Variants in VPS16 observed in about 807,000 individuals in gnomAD.
The protein encoded by VPS16 is VPS16 core subunit of CORVET and HOPS complexes.
In VPS16, 82 loss-of-function variants were observed where a neutral mutation model predicts 116.0. The ratio of observed to expected loss-of-function variants is 0.71; its 90% CI spans 0.59 to 0.85. VPS16 has a LOEUF of 0.85. VPS16 is among the 40% of genes least tolerant of loss of function. The pLI is 0.00. For missense variants in VPS16, 928 were observed against 1,090.6 expected, an observed-to-expected ratio of 0.85 and a Z score of 2.10; for synonymous variants, 406 against 420.7, an observed-to-expected ratio of 0.96 and a Z score of 0.43.
At chr20:2,862,744 G>T (rs752702203) in intron 12 of VPS16, 34 bp downstream of exon 12, 5 of 1,607,230 alleles carry the variant, frequency 3.1e-6, no homozygotes, top group African/African-American at 2.7e-5. Flanking sequence ...GGAGGGTGGG[G>T]CTGGGAGGGG....
chr20:2,862,384 A>T, intron 11 of VPS16, 195 bp from the exon 12 acceptor site: 1 of 1,231,902 alleles, frequency 8.1e-7, no homozygotes, highest in Non-Finnish European at 1.1e-6. Context: ...AGGCCCCCCT[A>T]AAGGCAGCTG....
rs545825550 is a variant in VPS16 at position 2,840,960 on chromosome 20, G to A, written c.53+133G>A. The A allele has an allele frequency of 1.2e-4, 104 of 839,524 alleles. No individual in the cohort carries two copies. The African/African-American group carries it at 1.7e-3, about 13-fold the overall frequency. The allele number at this position is 839,524 out of a possible 1,614,324, so 52.0% of individuals were successfully genotyped here. A position where few individuals can be genotyped will look rare whatever the true frequency, so the allele number is the denominator to read the frequency against. On this transcript the variant is annotated intron_variant, in intron 1 of 23. Coordinates refer to ENST00000380445, the MANE Select transcript of VPS16 (RefSeq NM_022575.4). ...CCGCGCCGGCTCTCCCCGAGCGTCT[G>A]CCACTTAGCGCACAGCCGCCTTTGG...
intron 1 of VPS16, among the ~76,000 whole-genome samples, chr20:2,858,402 CCTTA>C (rs1459136195): frequency 6.6e-6 from 1 of 152,158 alleles, no homozygotes; most frequent in Non-Finnish European, 1.5e-5. Context: ...CCACCTCACT[CCTTA>C]CTTTGGATTT....
At chr20:2,856,257 A>G (rs1255236892) in intron 1 of VPS16, among the ~76,000 whole-genome samples, 1 of 152,194 alleles carries the variant, frequency 6.6e-6, no homozygotes. Flanking sequence ...GAACACATAC[A>G]ACATTTATCC....
At position 2,862,138 on chromosome 20, in the gene VPS16, C is replaced by T. The variant is rs1294569681; in HGVS notation, c.1071+8C>T. 1.2e-6 allele frequency: 2 copies of T among 1,612,212 alleles called. No individual in the cohort carries two copies. The highest frequency in any genetic ancestry group is 2.2e-5 in the South Asian group (2 of 90,512). On this transcript the variant is annotated splice_region_variant and intron_variant, in intron 11 of 23. Transcript: ENST00000380445. Reference sequence around the variant, plus strand: ...GCTCAGAAGGAGTATGAGGTAAAGCCCTGGGCTTCTCTCCCAGTCCCAGAA... The same window carrying T: ...GCTCAGAAGGAGTATGAGGTAAAGCTCTGGGCTTCTCTCCCAGTCCCAGAA...
At position 2,840,835 on chromosome 20, in the gene VPS16, G is replaced by GCGGCCC; in HGVS notation, c.53+9_53+10insGGCCCC. On this transcript the variant is annotated intron_variant, in intron 1 of 23. Coordinates refer to ENST00000380445, the MANE Select transcript of VPS16 (RefSeq NM_022575.4). ...GGACTCTGCCTTTTACCGGTGAGCTGCCCCGCCCTCCCGCCCACGGCCTGG... is the reference window on the plus strand; with the variant it reads ...GGACTCTGCCTTTTACCGGTGAGCTGCGGCCCCCCCGCCCTCCCGCCCACGGCCTGG... 2 of 1,524,306 alleles carry GCGGCCC rather than the reference G, an allele frequency of 1.3e-6. No individual in the cohort carries two copies. Among genetic ancestry groups the GCGGCCC allele is most frequent in the Non-Finnish European group, 1.8e-6 (2 of 1,127,992 alleles). 94.4% of individuals were successfully genotyped at this position (1,524,306 alleles called of 1,614,324 possible).
Position 2,863,271 on chromosome 20 carries a change from T to C in VPS16, c.1368-19T>C. ...CCTCCACCTCACTCCTTGTATCCTT[T>C]ACCCACCGGGTCTACCAGGCTCGTG... On this transcript the variant is annotated intron_variant, in intron 14 of 23. Coordinates refer to ENST00000380445, the MANE Select transcript of VPS16 (RefSeq NM_022575.4). This position sits in a 1 kb window ranked among gnomAD's most constrained non-coding sequence, Gnocchi z 4.4. 1.2e-6 allele frequency: 2 copies of C among 1,613,986 alleles called. No individual in the cohort carries two copies. Among genetic ancestry groups the C allele is most frequent in the Non-Finnish European group, 1.7e-6 (2 of 1,179,938 alleles).
chr20:2,861,157 C>A lies in VPS16; in HGVS notation c.753+65C>A, dbSNP rs551279022. 8 of 1,613,982 alleles carry A rather than the reference C, an allele frequency of 5.0e-6. No individual in the cohort carries two copies. In the African/African-American group the frequency reaches 1.1e-4, roughly 22 times the overall value. On this transcript the variant is annotated intron_variant, in intron 7 of 23. Transcript: ENST00000380445. The stretch of plus-strand genomic sequence containing the variant: ...CAGGGTACAAGATCTTTTGGTGATG[C>A]GGGAGGGCTTTTCGACTAGAATGGT...
Position 2,864,681 on chromosome 20 carries a change from C to T in VPS16, c.1926+27C>T, listed in dbSNP as rs756948312. On this transcript the variant is annotated intron_variant, in intron 19 of 23. Transcript: ENST00000380445. The surrounding 1 kb of genome is among the most constrained non-coding windows in gnomAD (Gnocchi z 5.2). Reference sequence around the variant, plus strand: ...TCTGAGATCCATGGGGCGTGTGGGGCGTGTGGGGCATGTGGGCTGGGGCTG... The same window carrying T: ...TCTGAGATCCATGGGGCGTGTGGGGTGTGTGGGGCATGTGGGCTGGGGCTG... The T allele has an allele frequency of 9.9e-6, 16 of 1,608,896 alleles. No individual in the cohort carries two copies. The highest frequency in any genetic ancestry group is 8.0e-5 in the African/African-American group (6 of 74,928).
Position 2,859,751 on chromosome 20 carries a change from T to C in VPS16, c.86T>C (p.Leu29Pro), listed in dbSNP as rs755918093. 6.4e-5 allele frequency: 103 copies of C among 1,613,084 alleles called. 2 individuals are homozygous for C. The East Asian group carries it at 2.2e-3, about 35-fold the overall frequency. The change falls in exon 2 of 24, where the codon CTG (leucine) becomes CCG (proline). Residue 29 changes from leucine (L) to proline (P), a missense_variant. Leu to Pro is a moderately conservative substitution (Grantham distance 98). Coordinates refer to ENST00000380445, the MANE Select transcript of VPS16 (RefSeq NM_022575.4). ...GAGCTGTACAGCATGGACTGGGACCTGAAGGAGGAACTCAGGGATTGCCTG... is the reference window on the plus strand; with the variant it reads ...GAGCTGTACAGCATGGACTGGGACCCGAAGGAGGAACTCAGGGATTGCCTG... ...KYELYSMDWD[L>P]KEELRDCLVA...
rs1296077385 is a variant in VPS16 at position 2,864,518 on chromosome 20, G to C, written c.1819-29G>C. 1 of 1,614,136 alleles carries C rather than the reference G, an allele frequency of 6.2e-7. No individual in the cohort carries two copies. The highest frequency in any genetic ancestry group is 8.5e-7 in the Non-Finnish European group (1 of 1,180,002). ...CCTTCTGAGCACTTGAGTTGGCCTT[G>C]CTGACTGATTGCCTGCCTGTGGCCC... On this transcript the variant is annotated intron_variant, in intron 18 of 23. Transcript: ENST00000380445. The surrounding 1 kb of genome is among the most constrained non-coding windows in gnomAD (Gnocchi z 5.2).
intron 1 of VPS16, among the ~76,000 whole-genome samples, chr20:2,850,261 T>C (rs1599979628): frequency 6.6e-6 from 1 of 151,946 alleles, no homozygotes; most frequent in Admixed American, 6.6e-5. Flanking sequence ...GAGGCAGAGG[T>C]TGCAGTGAGC....
chr20:2,862,462 C>T (rs1375782692), intron 11 of VPS16, 117 bp from the exon 12 acceptor site: 3 of 1,501,900 alleles, frequency 2.0e-6, no homozygotes, highest in African/African-American at 2.8e-5. Context: ...AGTTGGGGCT[C>T]CAGCCTGTGC....
In VPS16 at chr20:2,864,772, T is replaced by A; in HGVS notation, c.1926+118T>A. 1 of 1,216,954 alleles carries A rather than the reference T, an allele frequency of 8.2e-7. No individual in the cohort carries two copies. The highest frequency in any genetic ancestry group is 1.2e-6 in the Non-Finnish European group (1 of 847,958). 75.4% of individuals were successfully genotyped at this position (1,216,954 alleles called of 1,614,324 possible). A position where few individuals can be genotyped will look rare whatever the true frequency, so the allele number is the denominator to read the frequency against. On this transcript the variant is annotated intron_variant, in intron 19 of 23. Transcript: ENST00000380445. The surrounding 1 kb of genome is among the most constrained non-coding windows in gnomAD (Gnocchi z 5.2). Reference sequence around the variant, plus strand: ...TGCACACTCCATCTGGTCCTCACTGTGAGGGAGACTCTGACGTGAGGCCAG... The same window carrying A: ...TGCACACTCCATCTGGTCCTCACTGAGAGGGAGACTCTGACGTGAGGCCAG...
At position 2,863,844 on chromosome 20, in the gene VPS16, G is replaced by A. The variant is rs1407329556; in HGVS notation, c.1477-105G>A. On this transcript the variant is annotated intron_variant, in intron 15 of 23. Transcript: ENST00000380445. The surrounding 1 kb of genome is among the most constrained non-coding windows in gnomAD (Gnocchi z 4.4). ...AAGAGAGAAAGAAAGAAAGAAGAAGGAAGGGAGGGAGGAAGGGAACTGAAG... is the reference window on the plus strand; with the variant it reads ...AAGAGAGAAAGAAAGAAAGAAGAAGAAAGGGAGGGAGGAAGGGAACTGAAG... The A allele has an allele frequency of 4.8e-6, 7 of 1,446,484 alleles. No homozygotes were observed. The highest frequency in any genetic ancestry group is 4.6e-5 in the East Asian group (2 of 43,520). The allele number at this position is 1,446,484 out of a possible 1,614,324, so 89.6% of individuals were successfully genotyped here.
intron 1 of VPS16, among the ~76,000 whole-genome samples, chr20:2,857,862 C>G (rs1413462457): frequency 6.6e-6 from 1 of 151,042 alleles, no homozygotes; most frequent in Non-Finnish European, 1.5e-5. Flanking sequence ...AGGTGCCCAC[C>G]ACCACGCCTG....
intron 1 of VPS16, among the ~76,000 whole-genome samples, chr20:2,842,616 A>G (rs1372453868): frequency 6.7e-6 from 1 of 148,200 alleles, no homozygotes; most frequent in African/African-American, 2.5e-5. Context: ...ATATATAGAT[A>G]TATCTATCTA....
chr20:2,862,933 C>G lies in VPS16; in HGVS notation c.1330C>G (p.Gln444Glu). 1 of 1,613,950 alleles carries G rather than the reference C, an allele frequency of 6.2e-7. No individual in the cohort carries two copies. Among genetic ancestry groups the G allele is most frequent in the African/African-American group, 1.3e-5 (1 of 75,034 alleles). Residue 444 changes from glutamine (Q) to glutamate (E), a missense_variant and splice_region_variant, in exon 13 of 24, where the codon CAA (glutamine) becomes GAA (glutamate). Gln to Glu is a conservative substitution (Grantham distance 29). Transcript: ENST00000380445. ...YHIGIPLTYSQYKQLTIQVLL... is the reference protein window; with the variant it reads ...YHIGIPLTYSEYKQLTIQVLL... ...CATCGGGATCCCGCTCACCTATAGC[C>G]AGTATCCCTGTGCACGCCAGAAGGG...
In VPS16 at chr20:2,865,999, G is replaced by A. The variant is rs1332467321; in HGVS notation, c.2272-213G>A. 13 of 586,212 alleles carry A rather than the reference G, an allele frequency of 2.2e-5. No homozygotes were observed. Among genetic ancestry groups the A allele is most frequent in the Admixed American group, 2.1e-4 (7 of 33,884 alleles). The allele number at this position is 586,212 out of a possible 1,614,324, so 36.3% of individuals were successfully genotyped here. On this transcript the variant is annotated intron_variant, in intron 22 of 23. Transcript: ENST00000380445. This position sits in a 1 kb window ranked among gnomAD's most constrained non-coding sequence, Gnocchi z 5.2. ...GAAGCGTGGAAATAATTGGTCTCAA[G>A]TCTCTGACAGAGCTTTGGTTTAGGT... is the stretch of plus-strand genomic sequence containing the variant.
Sources: allele counts gnomAD v4.1 joint callset (sites outside exome capture counted in the v4.1 genomes callset), GRCh38; gene constraint gnomAD v4.1.1; non-coding constraint Gnocchi (gnomAD v3.1); transcripts MANE v1.5; gene names NCBI Gene and HGNC (gene_info 2026-07-23, HGNC 2026-07-21).